SNX1: variants seen among roughly 807,000 people sequenced by gnomAD.
The protein encoded by SNX1 is sorting nexin 1.
SNX1 carries 36 observed loss-of-function variants against 71.8 expected under a neutral mutation model. The observed-to-expected ratio is 0.50, with a 90% confidence interval of 0.38 to 0.66. The LOEUF (loss-of-function observed/expected upper bound fraction) is 0.66, where lower values mean the gene tolerates loss of function less well. SNX1 is among the 30% of genes least tolerant of loss of function. The probability of loss-of-function intolerance (pLI) is 0.00; values close to 1 mark genes in which losing one functional copy is unlikely to be tolerated. For synonymous variants in SNX1, 254 were observed against 240.7 expected (o/e 1.06, Z -0.51); for missense variants, 612 against 646.7 (o/e 0.95, Z 0.58).
intron 11 of SNX1, chr15:64,132,398 AG>A: frequency 6.1e-6 from 1 of 163,718 alleles, no homozygotes; most frequent in Non-Finnish European, 1.3e-5. Flanking sequence ...GAGTGCGGCC[AG>A]GGGACTGAGA....
At chr15:64,127,490 C>G (rs745767784) in intron 7 of SNX1, among the ~76,000 whole-genome samples, 11 of 151,422 alleles carry the variant, frequency 7.3e-5, no homozygotes, top group Non-Finnish European at 5.9e-5. Flanking sequence ...CTTAGACAAT[C>G]AATCAAATAT....
At chr15:64,130,358 A>G (rs1231993576) in intron 10 of SNX1, 37 bp downstream of exon 10, 2 of 1,545,182 alleles carry the variant, frequency 1.3e-6, no homozygotes, top group African/African-American at 1.4e-5. Context: ...GCTAGGGGAA[A>G]TTGTTGTCTC....
At position 64,121,954 on chromosome 15, in the gene SNX1, A is replaced by G. The variant is rs372274614; in HGVS notation, c.467-1549A>G. Among the ~76,000 whole-genome samples the G allele has an allele frequency of 1.8e-3, 271 of 152,328 alleles. 9 individuals carry two copies. In the South Asian group the frequency reaches 0.053, roughly 30 times the overall value. On this transcript the variant is annotated intron_variant, in intron 4 of 14. Transcript: ENST00000559844. The stretch of plus-strand genomic sequence containing the variant: ...GCTTTTTAGAGCCTTGGTAATTTGC[A>G]TATGTTATCTTCAACTCTGAAATTA...
intron 3 of SNX1, 136 bp downstream of exon 3, chr15:64,118,380 C>T: frequency 1.0e-6 from 1 of 974,630 alleles, no homozygotes; most frequent in Non-Finnish European, 1.5e-6. Context: ...TAATGGACAG[C>T]CAGAATCCAA....
At chr15:64,127,139 T>G in intron 6 of SNX1, 35 bp from the exon 7 acceptor site, 3 of 1,496,004 alleles carry the variant, frequency 2.0e-6, no homozygotes, top group Non-Finnish European at 2.8e-6. Context: ...TTCATGATGA[T>G]TTATGGTTAT....
In SNX1 at chr15:64,141,055, T is replaced by C. The variant is rs867620429; in HGVS notation, c.*3437T>C. The C allele has an allele frequency of 1.4e-5, 2 of 146,452 alleles. No individual in the cohort carries two copies. Among genetic ancestry groups the C allele is most frequent in the South Asian group, 4.7e-4 (2 of 4,288 alleles). 9.1% of individuals were successfully genotyped at this position (146,452 alleles called of 1,614,324 possible). ...AGATATAGATAGATAGATAGATTGA[T>C]TGATTTGTAGAAACAAGATAGGTTA... On this transcript the variant is annotated 3_prime_UTR_variant, in exon 15 of 15. Coordinates refer to ENST00000559844, the MANE Select transcript of SNX1 (RefSeq NM_003099.5). This position sits in a 1 kb window ranked among gnomAD's most constrained non-coding sequence, Gnocchi z 5.1.
At chr15:64,113,278 G>C (rs1177594271) in intron 2 of SNX1, among the ~76,000 whole-genome samples, 3 of 152,098 alleles carry the variant, frequency 2.0e-5, no homozygotes, top group African/African-American at 7.2e-5. Context: ...TTAACATTTT[G>C]GGCTGGATAA....
intron 4 of SNX1, among the ~76,000 whole-genome samples, chr15:64,119,771 C>T (rs1264182667): frequency 2.6e-5 from 4 of 150,972 alleles, no homozygotes; most frequent in African/African-American, 9.7e-5. Context: ...ATTATCTTCT[C>T]CTTCAGAGTT....
chr15:64,104,216 A>G, intron 1 of SNX1, among the ~76,000 whole-genome samples: 1 of 151,098 alleles, frequency 6.6e-6, no homozygotes, highest in Non-Finnish European at 1.5e-5. Flanking sequence ...AGCTTTCAGA[A>G]TTATGGAGGA....
intron 1 of SNX1, among the ~76,000 whole-genome samples, chr15:64,096,796 G>GT (rs1485305148): frequency 6.6e-6 from 1 of 152,222 alleles, no homozygotes; most frequent in Non-Finnish European, 1.5e-5. Context: ...AAAGGGATGT[G>GT]TTCAAGTGCC....
intron 1 of SNX1, among the ~76,000 whole-genome samples, chr15:64,097,301 G>T (rs1402023954): frequency 6.6e-6 from 1 of 152,218 alleles, no homozygotes; most frequent in Non-Finnish European, 1.5e-5. Flanking sequence ...GGGCAGATGG[G>T]TTTTTTCCTT....
chr15:64,123,532 A>G lies in SNX1; in HGVS notation c.496A>G (p.Lys166Glu), dbSNP rs2081216619. The change falls in exon 5 of 15, where the codon AAA becomes GAA. Residue 166 changes from lysine to glutamate, a missense_variant. By Grantham distance (56) the Lys-to-Glu change is moderately conservative. Transcript: ENST00000559844. Reference sequence around the variant, plus strand: ...TGGTATGAATGCATATGTAGCCTACAAAGTTACAACACAGGTGAGTCCAGG... The same window carrying G: ...TGGTATGAATGCATATGTAGCCTACGAAGTTACAACACAGGTGAGTCCAGG... ...GDGMNAYVAY[K>E]VTTQTSLPLF... is the part of the protein sequence containing the mutation. The G allele has an allele frequency of 6.2e-7, 1 of 1,614,002 alleles. No homozygotes were observed.
chr15:64,118,385 A>G, intron 3 of SNX1, 141 bp downstream of exon 3: 1 of 930,932 alleles, frequency 1.1e-6, no homozygotes, highest in Admixed American at 2.6e-5. Context: ...GACAGCCAGA[A>G]TCCAATACAG....
intron 1 of SNX1, among the ~76,000 whole-genome samples, chr15:64,106,255 C>T (rs1256371204): frequency 1.3e-5 from 2 of 152,048 alleles, no homozygotes; most frequent in Non-Finnish European, 2.9e-5. Context: ...TATTCCCATC[C>T]AAGTTCATAG....
intron 14 of SNX1, among the ~76,000 whole-genome samples, chr15:64,137,158 G>C (rs774168379): frequency 3.3e-5 from 5 of 152,184 alleles, no homozygotes; most frequent in Non-Finnish European, 7.3e-5. Flanking sequence ...AGGTGAGTTA[G>C]TTTTTGAGGA....
chr15:64,127,901 C>T (rs2081270362), intron 8 of SNX1, 95 bp downstream of exon 8: 3 of 837,010 alleles, frequency 3.6e-6, no homozygotes, highest in Non-Finnish European at 6.0e-6. Context: ...ACTTAACATG[C>T]CTAGTACTAG....
chr15:64,112,175 G>A (rs145344041), intron 1 of SNX1, among the ~76,000 whole-genome samples: 1 of 152,340 alleles, frequency 6.6e-6, no homozygotes, highest in African/African-American at 2.4e-5. Flanking sequence ...GTAAGCATGG[G>A]TCAGAGCTTG....
chr15:64,136,361 A>C lies in SNX1; in HGVS notation c.1397A>C (p.Asp466Ala). The change falls in exon 13 of 15, where the codon GAC (aspartate) becomes GCC (alanine). Residue 466 changes from aspartate (D) to alanine (A), a missense_variant. By Grantham distance (126) the Asp-to-Ala change is moderately radical. Around this residue, in one of 2 missense-constraint regions of SNX1, gnomAD observed 296 missense variants for 361.9 expected, o/e 0.82. Transcript: ENST00000559844. The stretch of plus-strand genomic sequence containing the variant: ...TCTCGGGTGACTCAATATGAAAGGG[A>C]CTTCGAGAGGATTTCAACAGTGGTC... ...WESRVTQYER[D>A]FERISTVVRK... 4 of 1,614,086 alleles carry C rather than the reference A, an allele frequency of 2.5e-6. No homozygotes were observed. Among genetic ancestry groups the C allele is most frequent in the African/African-American group, 2.7e-5 (2 of 75,020 alleles).
At chr15:64,101,095 C>T (rs1041601446) in intron 1 of SNX1, among the ~76,000 whole-genome samples, 1 of 152,224 alleles carries the variant, frequency 6.6e-6, no homozygotes, top group African/African-American at 2.4e-5. Context: ...AGTCACCACG[C>T]TTGGCCCAAA....
Sources: allele counts gnomAD v4.1 joint callset (sites outside exome capture counted in the v4.1 genomes callset), GRCh38; gene constraint gnomAD v4.1.1; regional missense constraint gnomAD v4.1.1; non-coding constraint Gnocchi (gnomAD v3.1); transcripts MANE v1.5; gene names NCBI Gene and HGNC (gene_info 2026-07-23, HGNC 2026-07-21).